UBE2E2: variants seen among roughly 807,000 people sequenced by gnomAD.
The protein encoded by UBE2E2 is ubiquitin-conjugating enzyme E2 E2.
Under a neutral mutation model 24.7 loss-of-function variants are expected in UBE2E2, and 6 were observed. That is an observed-to-expected ratio of 0.24 (90% CI 0.13 to 0.48). The LOEUF (loss-of-function observed/expected upper bound fraction) is 0.48. UBE2E2 is among the 20% of genes least tolerant of loss of function. UBE2E2 has a pLI of 0.99. For synonymous variants in UBE2E2, 104 were observed against 83.6 expected (o/e 1.24, Z -1.33); for missense variants, 169 against 245.0 (o/e 0.69, Z 2.07).
At chr3:23,271,864 A>G (rs975203296) in intron 3 of UBE2E2, among the ~76,000 whole-genome samples, 1 of 150,322 alleles carries the variant, frequency 6.7e-6, no homozygotes, top group Admixed American at 6.6e-5. Context: ...GCATCCACGA[A>G]CCCTGAGCTA....
chr3:23,353,832 A>G (rs886855510), intron 3 of UBE2E2, among the ~76,000 whole-genome samples: 4 of 152,212 alleles, frequency 2.6e-5, no homozygotes, highest in Non-Finnish European at 4.4e-5. Context: ...TATAGATTCA[A>G]TGCCATCCCC....
intron 5 of UBE2E2, among the ~76,000 whole-genome samples, chr3:23,575,287 A>T (rs1696323091): frequency 1.3e-5 from 2 of 152,212 alleles, no homozygotes; most frequent in African/African-American, 4.8e-5. Context: ...TGATGATGTT[A>T]TGCTTACTAT....
chr3:23,566,303 A>C (rs1422241115), intron 5 of UBE2E2, among the ~76,000 whole-genome samples: 2 of 152,218 alleles, frequency 1.3e-5, no homozygotes, highest in Non-Finnish European at 2.9e-5. Flanking sequence ...ATCTTTATGC[A>C]TAGCAAGCCT....
intron 3 of UBE2E2, among the ~76,000 whole-genome samples, chr3:23,323,223 T>C (rs1485078279): frequency 6.6e-6 from 1 of 152,120 alleles, no homozygotes; most frequent in African/African-American, 2.4e-5. Flanking sequence ...ATTTCTGTTT[T>C]ATTGATGAAG....
At chr3:23,406,357 C>T (rs1697356005) in intron 3 of UBE2E2, among the ~76,000 whole-genome samples, 1 of 152,180 alleles carries the variant, frequency 6.6e-6, no homozygotes, top group African/African-American at 2.4e-5. Context: ...TCACATACTA[C>T]TTGTATGACC....
At chr3:23,205,628 T>C (rs907501050) in intron 1 of UBE2E2, among the ~76,000 whole-genome samples, 8 of 152,194 alleles carry the variant, frequency 5.3e-5, no homozygotes, top group Non-Finnish European at 1.2e-4. Flanking sequence ...AAAGTTCCTA[T>C]AGTGGTTATC....
intron 3 of UBE2E2, among the ~76,000 whole-genome samples, chr3:23,299,890 A>T (rs1319369342): frequency 2.0e-5 from 3 of 152,134 alleles, no homozygotes; most frequent in African/African-American, 7.2e-5. Context: ...GGGGTGTTAA[A>T]GTCTCCCATT....
At chr3:23,349,305 C>T (rs959954411) in intron 3 of UBE2E2, among the ~76,000 whole-genome samples, 25 of 152,180 alleles carry the variant, frequency 1.6e-4, no homozygotes, top group African/African-American at 5.3e-4. Flanking sequence ...GCGTGAGTGA[C>T]GCAGAAGACG....
At chr3:23,278,805 A>G (rs1233614434) in intron 3 of UBE2E2, among the ~76,000 whole-genome samples, 5 of 152,184 alleles carry the variant, frequency 3.3e-5, no homozygotes, top group Non-Finnish European at 7.4e-5. Context: ...AGAATTCAGC[A>G]ATACATTTTG....
chr3:23,203,850 G>A (rs1696046020), intron 1 of UBE2E2, among the ~76,000 whole-genome samples: 1 of 151,872 alleles, frequency 6.6e-6, no homozygotes, highest in Non-Finnish European at 1.5e-5. Context: ...AAAGTGCCCG[G>A]CTTGATCTTT....
At chr3:23,213,709 A>G (rs551999754) in intron 2 of UBE2E2, among the ~76,000 whole-genome samples, 2 of 152,262 alleles carry the variant, frequency 1.3e-5, no homozygotes, top group East Asian at 1.9e-4. Context: ...ACTTAGCAAG[A>G]TAATAGTTCT....
intron 5 of UBE2E2, among the ~76,000 whole-genome samples, chr3:23,557,411 C>A (rs1695817299): frequency 6.6e-6 from 1 of 152,140 alleles, no homozygotes; most frequent in Non-Finnish European, 1.5e-5. Context: ...CAGCTAGAAC[C>A]CATCCTGGCA....
intron 3 of UBE2E2, among the ~76,000 whole-genome samples, chr3:23,297,468 T>G (rs1480802229): frequency 6.6e-6 from 1 of 152,190 alleles, no homozygotes; most frequent in African/African-American, 2.4e-5. Flanking sequence ...CTTTAATCCA[T>G]CTTGAATTAA....
At chr3:23,316,478 G>T (rs1694582874) in intron 3 of UBE2E2, among the ~76,000 whole-genome samples, 2 of 151,914 alleles carry the variant, frequency 1.3e-5, no homozygotes, top group African/African-American at 4.8e-5. Flanking sequence ...TGTGGTGAAT[G>T]CTGCCACACT....
intron 3 of UBE2E2, among the ~76,000 whole-genome samples, chr3:23,402,361 G>T (rs1431418344): frequency 6.6e-6 from 1 of 152,152 alleles, no homozygotes; most frequent in African/African-American, 2.4e-5. Context: ...AGATAAGTTT[G>T]CCGGAGGAAG....
chr3:23,383,926 C>CAT (rs2125353914), intron 3 of UBE2E2, among the ~76,000 whole-genome samples: 1 of 149,906 alleles, frequency 6.7e-6, no homozygotes, highest in Non-Finnish European at 1.5e-5. Context: ...AGTTTCATGC[C>CAT]ATATAAAACT....
chr3:23,473,635 C>T (rs537082211), intron 3 of UBE2E2, among the ~76,000 whole-genome samples: 1 of 152,226 alleles, frequency 6.6e-6, no homozygotes, highest in South Asian at 2.1e-4. Context: ...ATTCTCATGC[C>T]TTTGCATCCT....
intron 3 of UBE2E2, among the ~76,000 whole-genome samples, chr3:23,497,625 A>G (rs1333261527): frequency 2.0e-5 from 3 of 152,208 alleles, no homozygotes; most frequent in African/African-American, 7.2e-5. Context: ...AGATCGGTAT[A>G]TATTTTCTGG....
At chr3:23,582,144 G>C (rs1355064498) in intron 5 of UBE2E2, among the ~76,000 whole-genome samples, 3 of 152,208 alleles carry the variant, frequency 2.0e-5, no homozygotes, top group East Asian at 1.9e-4. Flanking sequence ...TTATAAGTGA[G>C]AACATGCGGT....
Sources: allele counts gnomAD v4.1 joint callset (sites outside exome capture counted in the v4.1 genomes callset), GRCh38; gene constraint gnomAD v4.1.1; transcripts MANE v1.5; gene names NCBI Gene and HGNC (gene_info 2026-07-23, HGNC 2026-07-21).